The following AFF2 variants were observed in gnomAD, a reference collection of about 807,000 sequenced individuals.
AFF2 encodes ALF transcription elongation factor 2.
In AFF2, 14 loss-of-function variants were observed where a neutral mutation model predicts 76.9. The ratio of observed to expected loss-of-function variants is 0.18; its 90% CI spans 0.12 to 0.28. The LOEUF (loss-of-function observed/expected upper bound fraction) is 0.28, where lower values mean the gene tolerates loss of function less well. Ranked by LOEUF, AFF2 falls within the 10% of genes least tolerant of loss-of-function variation. The pLI is 1.00. For synonymous variants in AFF2, 398 were observed against 366.7 expected (o/e 1.09, Z -0.98); for missense variants, 868 against 1,001.1 (o/e 0.87, Z 1.79).
intron 1 of AFF2, among the ~76,000 whole-genome samples, chrX:148,582,132 T>G (rs1557245208): frequency 1.8e-5 from 2 of 111,574 alleles, no homozygotes; most frequent in African/African-American, 6.5e-5. Flanking sequence ...TATGTACTAC[T>G]GGCAGGAATA....
chrX:148,643,656 G>C (rs2054112790), intron 1 of AFF2, among the ~76,000 whole-genome samples: 1 of 111,942 alleles, frequency 8.9e-6, no homozygotes, highest in Non-Finnish European at 1.9e-5. Context: ...ATAGAGCTGT[G>C]GTAGGGTATG....
intron 1 of AFF2, among the ~76,000 whole-genome samples, chrX:148,568,647 A>G (rs781960675): frequency 3.6e-5 from 4 of 112,041 alleles, no homozygotes; most frequent in African/African-American, 9.7e-5. Flanking sequence ...TTTACTTTGT[A>G]TGTAAATAAT....
chrX:148,718,774 T>C (rs2055056564), intron 3 of AFF2, among the ~76,000 whole-genome samples: 1 of 111,342 alleles, frequency 9.0e-6, no homozygotes, highest in Non-Finnish European at 1.9e-5. Context: ...GTTTTATTCA[T>C]CTCTGTATCC....
intron 1 of AFF2, among the ~76,000 whole-genome samples, chrX:148,515,339 G>T (rs781980491): frequency 1.8e-5 from 2 of 111,965 alleles, no homozygotes; most frequent in Non-Finnish European, 3.8e-5. Flanking sequence ...AGAATTATTA[G>T]ACCTTAATTT....
intron 1 of AFF2, among the ~76,000 whole-genome samples, chrX:148,617,966 A>G (rs1295708496): frequency 4.5e-5 from 5 of 111,596 alleles, no homozygotes; most frequent in Non-Finnish European, 9.4e-5. Flanking sequence ...CAGGGAGAGC[A>G]TTTAGGGTAT....
intron 4 of AFF2, among the ~76,000 whole-genome samples, chrX:148,815,572 A>T (rs2070255043): frequency 8.9e-6 from 1 of 112,012 alleles, no homozygotes; most frequent in Non-Finnish European, 1.9e-5. Flanking sequence ...TAAGCCATCC[A>T]GTGTGCTTCC....
chrX:148,508,661 A>C (rs1364705205), intron 1 of AFF2, among the ~76,000 whole-genome samples: 1 of 112,185 alleles, frequency 8.9e-6, no homozygotes, highest in South Asian at 3.7e-4. Context: ...TCAGCCAACA[A>C]ATTTTTTAAT....
chrX:148,852,389 G>GTTTTTT (rs33916305), intron 7 of AFF2, among the ~76,000 whole-genome samples: 2 of 78,836 alleles, frequency 2.5e-5, no homozygotes, highest in African/African-American at 8.9e-5. Flanking sequence ...CCAGCAGCTG[G>GTTTTTT]TTTTTTTTTT....
chrX:148,550,261 C>G (rs1402201003), intron 1 of AFF2, among the ~76,000 whole-genome samples: 1 of 111,752 alleles, frequency 8.9e-6, no homozygotes, highest in Non-Finnish European at 1.9e-5. Context: ...ATTTAAATGC[C>G]TGAGTCTCCT....
At chrX:148,807,598 T>C (rs781954132) in intron 3 of AFF2, among the ~76,000 whole-genome samples, 5 of 112,402 alleles carry the variant, frequency 4.4e-5, no homozygotes, top group Non-Finnish European at 9.4e-5. Context: ...ATATTTTCAC[T>C]GTGATTTAAA....
At chrX:148,559,381 C>T (rs1557240133) in intron 1 of AFF2, among the ~76,000 whole-genome samples, 1 of 110,694 alleles carries the variant, frequency 9.0e-6, no homozygotes, top group African/African-American at 3.3e-5. Context: ...CCCATCAACT[C>T]GTCATCTCCA....
chrX:148,560,837 G>T (rs782504428), intron 1 of AFF2, among the ~76,000 whole-genome samples: 8 of 108,066 alleles, frequency 7.4e-5, no homozygotes, highest in African/African-American at 2.4e-4. Flanking sequence ...GTTTTTTTCT[G>T]GGGGGGGCAC....
chrX:148,530,924 G>C (rs965761533), intron 1 of AFF2, among the ~76,000 whole-genome samples: 17 of 111,726 alleles, frequency 1.5e-4, no homozygotes, highest in Non-Finnish European at 9.4e-5. Context: ...GTGTTCAGCT[G>C]AGTGCTGTGG....
intron 7 of AFF2, among the ~76,000 whole-genome samples, chrX:148,884,600 C>T (rs1300419535): frequency 1.1e-4 from 12 of 112,628 alleles, no homozygotes; most frequent in African/African-American, 3.9e-4. Flanking sequence ...CAATTCACCT[C>T]TCTGAATCTT....
intron 3 of AFF2, among the ~76,000 whole-genome samples, chrX:148,760,705 A>G (rs963586819): frequency 4.5e-5 from 5 of 112,292 alleles, no homozygotes; most frequent in Admixed American, 3.8e-4. Flanking sequence ...ATGCTGAGGT[A>G]TAGAAGTGCA....
intron 1 of AFF2, among the ~76,000 whole-genome samples, chrX:148,613,678 G>A (rs1271928986): frequency 9.0e-6 from 1 of 111,253 alleles, no homozygotes; most frequent in Non-Finnish European, 1.9e-5. Flanking sequence ...GCCCTCATGA[G>A]CCCTGTGCTA....
chrX:148,739,789 G>T (rs1399118776), intron 3 of AFF2, among the ~76,000 whole-genome samples: 1 of 111,650 alleles, frequency 9.0e-6, no homozygotes, highest in East Asian at 2.8e-4. Flanking sequence ...TGTGTTTCCA[G>T]AATTTGTTTC....
chrX:148,918,960 C>G (rs1020871578), intron 9 of AFF2, among the ~76,000 whole-genome samples: 6 of 111,958 alleles, frequency 5.4e-5, no homozygotes, highest in Non-Finnish European at 1.1e-4. Flanking sequence ...TTTTGAAAGT[C>G]TCTCTGCCTG....
At chrX:148,872,337 C>A (rs2070987515) in intron 7 of AFF2, among the ~76,000 whole-genome samples, 1 of 111,414 alleles carries the variant, frequency 9.0e-6, no homozygotes, top group African/African-American at 3.3e-5. Context: ...TACAGATTTG[C>A]CTGTTTTAGA....
Sources: allele counts gnomAD v4.1 joint callset (sites outside exome capture counted in the v4.1 genomes callset), GRCh38; gene constraint gnomAD v4.1.1; transcripts MANE v1.5; gene names NCBI Gene and HGNC (gene_info 2026-07-23, HGNC 2026-07-21).